The following TMEM245 variants were observed in gnomAD, a reference collection of about 807,000 sequenced individuals.
TMEM245 encodes protein CG-2.
A neutral mutation model predicts 101.2 loss-of-function variants in TMEM245; 69 were observed. The observed-to-expected ratio is 0.68, with a 90% CI of 0.56 to 0.83. TMEM245 has a LOEUF of 0.83. Ranked by LOEUF, TMEM245 falls within the 40% of genes least tolerant of loss-of-function variation. The pLI, the probability that TMEM245 is intolerant of heterozygous loss-of-function variation, is 0.00. For synonymous variants in TMEM245, 537 were observed against 449.8 expected (o/e 1.19, Z -2.45); for missense variants, 1,075 against 1,092.8 (o/e 0.98, Z 0.23).
At chr9:109,105,625 A>C (rs1014819879) in intron 3 of TMEM245, among the ~76,000 whole-genome samples, 1 of 152,250 alleles carries the variant, frequency 6.6e-6, no homozygotes, top group African/African-American at 2.4e-5. Context: ...GTAAATAAAC[A>C]AAATGTGGTG....
chr9:109,119,356 C>T lies in TMEM245; in HGVS notation c.558G>A (p.Leu186=), dbSNP rs1225782323. The T allele has an allele frequency of 6.5e-7, 1 of 1,531,966 alleles. No homozygotes were observed. Among genetic ancestry groups the T allele is most frequent in the South Asian group, 1.2e-5 (1 of 83,670 alleles). 94.9% of individuals were successfully genotyped at this position (1,531,966 alleles called of 1,614,324 possible). The change falls in exon 1 of 18, where the codon CTG becomes CTA. Residue 186 remains leucine (L), a synonymous_variant. Transcript: ENST00000374586. ...VHAATLICRG[L]DYFSSLWIWT... ...TCACCCACAGGCTGCTGAAGTAGTC[C>T]AGCCCGCGGCAGATGAGCGTGGCAG...
chr9:109,058,614 CT>C (rs1588041231), intron 11 of TMEM245, among the ~76,000 whole-genome samples: 3 of 152,208 alleles, frequency 2.0e-5, no homozygotes, highest in East Asian at 3.9e-4. Context: ...ATGTTGTCTT[CT>C]TTTTTTAGAG....
intron 9 of TMEM245, among the ~76,000 whole-genome samples, chr9:109,072,509 C>T (rs149279988): frequency 3.5e-4 from 53 of 152,318 alleles, no homozygotes; most frequent in African/African-American, 1.2e-3. Flanking sequence ...TTGCAGCCTC[C>T]ATTATGCAAC....
chr9:109,119,688 T>C lies in TMEM245; in HGVS notation c.226A>G (p.Ile76Val). 3 of 1,558,478 alleles carry C rather than the reference T, an allele frequency of 1.9e-6. No homozygotes were observed. Among genetic ancestry groups the C allele is most frequent in the Non-Finnish European group, 2.6e-6 (3 of 1,154,842 alleles). ...AGCGGCCGCAGGAAGGCCTCCAGGA[T>C]GAAGTAGACCAGCACCGCGGCGCCG... is the stretch of plus-strand genomic sequence containing the variant. ...CCGAAVLVYF[I>V]LEAFLRPLLW... Residue 76 changes from isoleucine (I) to valine (V), a missense_variant, in exon 1 of 18, where the codon ATC (isoleucine) becomes GTC (valine). This residue lies in a region of TMEM245 where 808 missense variants were observed against 741.5 expected (regional missense o/e 1.09). Transcript: ENST00000374586.
At chr9:109,045,364 G>A (rs1488437713) in intron 14 of TMEM245, among the ~76,000 whole-genome samples, 1 of 152,096 alleles carries the variant, frequency 6.6e-6, no homozygotes, top group Non-Finnish European at 1.5e-5. Flanking sequence ...GCTGCTGAAG[G>A]GCACAGGGGA....
At chr9:109,038,232 G>A in intron 14 of TMEM245, 115 bp from the exon 15 acceptor site, 1 of 590,784 alleles carries the variant, frequency 1.7e-6, no homozygotes, top group Non-Finnish European at 2.9e-6. Context: ...TTTTCTGCTG[G>A]CCTGAGAATG....
At chr9:109,032,363 TCC>T (rs1192476064) in intron 17 of TMEM245, among the ~76,000 whole-genome samples, 2 of 136,776 alleles carry the variant, frequency 1.5e-5, no homozygotes, top group Non-Finnish European at 1.5e-5. Context: ...CTATTTCTTT[TCC>T]TTTTTTTTTT....
chr9:109,103,373 G>A (rs763826086), intron 3 of TMEM245, among the ~76,000 whole-genome samples: 3 of 152,078 alleles, frequency 2.0e-5, no homozygotes, highest in Non-Finnish European at 2.9e-5. Context: ...AAAAGAATAA[G>A]GAATAAATTA....
intron 2 of TMEM245, among the ~76,000 whole-genome samples, chr9:109,107,037 G>A (rs1351878727): frequency 6.6e-6 from 1 of 151,968 alleles, no homozygotes; most frequent in African/African-American, 2.4e-5. Flanking sequence ...AAAGAGAATG[G>A]CCCAAAAGAG....
intron 9 of TMEM245, among the ~76,000 whole-genome samples, chr9:109,068,945 G>A (rs1829252113): frequency 6.6e-6 from 1 of 152,204 alleles, no homozygotes; most frequent in African/African-American, 2.4e-5. Flanking sequence ...TATGTACTGA[G>A]TGTGTTGATA....
intron 12 of TMEM245, among the ~76,000 whole-genome samples, 200 bp downstream of exon 12, chr9:109,056,991 C>T (rs906558720): frequency 6.6e-6 from 1 of 152,152 alleles, no homozygotes; most frequent in Non-Finnish European, 1.5e-5. Context: ...ACTCTACAAC[C>T]ACAGGGGAAA....
At position 109,119,923 on chromosome 9, in the gene TMEM245, G is replaced by C. The variant is rs750359547; in HGVS notation, c.-10C>G. 27 of 1,286,286 alleles carry C rather than the reference G, an allele frequency of 2.1e-5. No individual in the cohort carries two copies. The East Asian group carries it at 4.7e-4, about 22-fold the overall frequency. The allele number at this position is 1,286,286 out of a possible 1,614,324, so 79.7% of individuals were successfully genotyped here. A position where few individuals can be genotyped will look rare whatever the true frequency, so the allele number is the denominator to read the frequency against. ...CGCCGCCGTCGGCCATCGTTCCTCC[G>C]CCACAGCCGCCCCCGAGGGGCGGTA... On this transcript the variant is annotated 5_prime_UTR_variant, in exon 1 of 18. Transcript: ENST00000374586.
In TMEM245 at chr9:109,017,803, G is replaced by A. The variant is rs1827493870; in HGVS notation, c.*2657C>T. 6.6e-6 allele frequency: 1 copy of A among 152,118 alleles called. No homozygotes were observed. Among genetic ancestry groups the A allele is most frequent in the Non-Finnish European group, 1.5e-5 (1 of 68,028 alleles). The allele number at this position is 152,118 out of a possible 1,614,324, so 9.4% of individuals were successfully genotyped here. Reference sequence around the variant, plus strand: ...AAACTCCTACCTTTTCATACCACTTGATCTCTGTTGCCCTGTGAAAATTCT... The same window carrying A: ...AAACTCCTACCTTTTCATACCACTTAATCTCTGTTGCCCTGTGAAAATTCT... On this transcript the variant is annotated 3_prime_UTR_variant, in exon 18 of 18. Transcript: ENST00000374586.
rs917361386 is a variant in TMEM245, at chr9:109,019,056, C to G, written c.*1404G>C. 9 of 152,026 alleles carry G rather than the reference C, an allele frequency of 5.9e-5. No individual in the cohort carries two copies. The highest frequency in any genetic ancestry group is 4.2e-4 in the South Asian group (2 of 4,782). 9.4% of individuals were successfully genotyped at this position (152,026 alleles called of 1,614,324 possible). Reference sequence around the variant, plus strand: ...CACCACCTACAGCCTGGCCAAGAACCCTTTTCTCTCCCACATTCCCCTGGG... The same window carrying G: ...CACCACCTACAGCCTGGCCAAGAACGCTTTTCTCTCCCACATTCCCCTGGG... On this transcript the variant is annotated 3_prime_UTR_variant, in exon 18 of 18. Coordinates refer to ENST00000374586, the MANE Select transcript of TMEM245 (RefSeq NM_032012.4).
chr9:109,116,297 T>G (rs954301490), intron 1 of TMEM245, among the ~76,000 whole-genome samples: 1 of 152,168 alleles, frequency 6.6e-6, no homozygotes, highest in Admixed American at 6.5e-5. Flanking sequence ...CTGTGAACTG[T>G]GGGATGGAAA....
At chr9:109,070,253 C>A (rs1385650901) in intron 9 of TMEM245, among the ~76,000 whole-genome samples, 2 of 152,180 alleles carry the variant, frequency 1.3e-5, no homozygotes, top group Admixed American at 6.5e-5. Flanking sequence ...CTCTCCTGAA[C>A]CGCATACCTA....
intron 11 of TMEM245, 144 bp from the exon 12 acceptor site, chr9:109,057,466 G>T: frequency 1.0e-6 from 1 of 974,468 alleles, no homozygotes; most frequent in Non-Finnish European, 1.4e-6. Flanking sequence ...TAAGAAATCA[G>T]CTAAGGCCGG....
chr9:109,023,576 T>C (rs1465008380), intron 17 of TMEM245, among the ~76,000 whole-genome samples: 2 of 152,204 alleles, frequency 1.3e-5, no homozygotes, highest in Non-Finnish European at 2.9e-5. Flanking sequence ...GGCTCATGCC[T>C]GTAATCCCAG....
chr9:109,089,978 C>T (rs1372264050), intron 5 of TMEM245, among the ~76,000 whole-genome samples: 1 of 152,150 alleles, frequency 6.6e-6, no homozygotes, highest in Non-Finnish European at 1.5e-5. Flanking sequence ...CATTCAATCT[C>T]AGCTAGGCGC....
Sources: allele counts gnomAD v4.1 joint callset (sites outside exome capture counted in the v4.1 genomes callset), GRCh38; gene constraint gnomAD v4.1.1; regional missense constraint gnomAD v4.1.1; transcripts MANE v1.5; gene names NCBI Gene and HGNC (gene_info 2026-07-23, HGNC 2026-07-21).